Variants in ALG11 observed in about 807,000 individuals in gnomAD.
ALG11 encodes GDP-Man:Man(3)GlcNAc(2)-PP-Dol alpha-1,2-mannosyltransferase.
A neutral mutation model predicts 38.8 loss-of-function variants in ALG11; 26 were observed. That is an observed-to-expected ratio of 0.67 (90% CI 0.49 to 0.93). ALG11 has a LOEUF of 0.93. ALG11 is among the 40% of genes least tolerant of loss of function. The pLI, the probability that ALG11 is intolerant of heterozygous loss-of-function variation, is 0.00. For synonymous variants in ALG11, 199 were observed against 211.6 expected (o/e 0.94, Z 0.52); for missense variants, 535 against 578.8 (o/e 0.92, Z 0.78).
intron 3 of ALG11, among the ~76,000 whole-genome samples, chr13:52,026,767 G>A (rs1366890771): frequency 6.6e-6 from 1 of 152,158 alleles, no homozygotes; most frequent in Non-Finnish European, 1.5e-5. Flanking sequence ...GGACATGTGA[G>A]GGCATGCGTC....
chr13:52,029,784 C>T lies in ALG11; in HGVS notation c.*1194C>T. ...CGCCAAGCTATGCAGGAACAGTTGG[C>T]CAAGAACAAAGAACTGACACAGAAA... is the stretch of plus-strand genomic sequence containing the variant. On this transcript the variant is annotated 3_prime_UTR_variant, in exon 4 of 4. Transcript: ENST00000521508. 6.2e-7 allele frequency: 1 copy of T among 1,614,120 alleles called. No homozygotes were observed. Among genetic ancestry groups the T allele is most frequent in the African/African-American group, 1.3e-5 (1 of 75,018 alleles).
At chr13:52,027,337 G>C (rs1954250896) in intron 3 of ALG11, among the ~76,000 whole-genome samples, 1 of 152,150 alleles carries the variant, frequency 6.6e-6, no homozygotes, top group South Asian at 2.1e-4. Flanking sequence ...CTAGCTGATA[G>C]GAAGGAGCCA....
intron 2 of ALG11, chr13:52,022,280 A>C (rs1475409329): frequency 6.6e-6 from 1 of 152,288 alleles, no homozygotes; most frequent in East Asian, 1.9e-4. Flanking sequence ...AGGCACGAAA[A>C]TCACTTGAAC....
chr13:52,026,313 A>G (rs968912675), intron 3 of ALG11, among the ~76,000 whole-genome samples: 1 of 152,206 alleles, frequency 6.6e-6, no homozygotes, highest in African/African-American at 2.4e-5. Flanking sequence ...ATCAATAGGA[A>G]CATTCAGCAG....
At position 52,031,971 on chromosome 13, in the gene ALG11, C is replaced by G. The variant is rs974681848; in HGVS notation, c.*3381C>G. The G allele has an allele frequency of 1.2e-5, 2 of 165,126 alleles. No homozygotes were observed. Among genetic ancestry groups the G allele is most frequent in the African/African-American group, 4.8e-5 (2 of 41,410 alleles). The allele number at this position is 165,126 out of a possible 1,614,324, so 10.2% of individuals were successfully genotyped here. A position where few individuals can be genotyped will look rare whatever the true frequency, so the allele number is the denominator to read the frequency against. ...GGTGCGGTGTCTCACACCTGTAATC[C>G]CAGCACTTTGGGAGGCCGAGATGGG... On this transcript the variant is annotated 3_prime_UTR_variant, in exon 4 of 4. Coordinates refer to ENST00000521508, the MANE Select transcript of ALG11 (RefSeq NM_001004127.3).
chr13:52,019,347 G>A (rs1302552048), intron 2 of ALG11, among the ~76,000 whole-genome samples: 1 of 147,174 alleles, frequency 6.8e-6, no homozygotes, highest in Non-Finnish European at 1.5e-5. Context: ...TCGGCCTCCC[G>A]AGTAGCTGGG....
intron 1 of ALG11, 43 bp downstream of exon 1, chr13:52,012,505 G>C: frequency 6.2e-7 from 1 of 1,613,800 alleles, no homozygotes; most frequent in African/African-American, 1.3e-5. Flanking sequence ...TTTCTCTTCT[G>C]TAGGGGTACT....
At chr13:52,019,938 A>G (rs1954170758) in intron 2 of ALG11, among the ~76,000 whole-genome samples, 1 of 152,190 alleles carries the variant, frequency 6.6e-6, no homozygotes, top group African/African-American at 2.4e-5. Flanking sequence ...AGGGAAAACA[A>G]AAAAGAAAGA....
chr13:52,029,603 T>G lies in ALG11; in HGVS notation c.*1013T>G, dbSNP rs776197728. ...AAAGGCCAAGAAAGCCTTAAAAGAGTTTGAGCAGCTACAGAAGGTTAATCC... is the reference window on the plus strand; with the variant it reads ...AAAGGCCAAGAAAGCCTTAAAAGAGGTTGAGCAGCTACAGAAGGTTAATCC... On this transcript the variant is annotated 3_prime_UTR_variant, in exon 4 of 4. Coordinates refer to ENST00000521508, the MANE Select transcript of ALG11 (RefSeq NM_001004127.3). 4 of 1,613,644 alleles carry G rather than the reference T, an allele frequency of 2.5e-6. No individual in the cohort carries two copies. The African/African-American group carries it at 5.3e-5, about 22-fold the overall frequency.
chr13:52,028,197 A>G, intron 3 of ALG11, 122 bp from the exon 4 acceptor site: 1 of 1,119,250 alleles, frequency 8.9e-7, no homozygotes, highest in Non-Finnish European at 1.3e-6. Context: ...AAATGTCTAG[A>G]CATACATTTA....
intron 2 of ALG11, chr13:52,022,793 G>A (rs1364319198): frequency 6.6e-6 from 1 of 151,934 alleles, no homozygotes; most frequent in Non-Finnish European, 1.5e-5. Flanking sequence ...CCGCCTACTG[G>A]GTTCAAGCAA....
rs968989067 is a variant in ALG11, at chr13:52,033,504, A to C, written c.*4914A>C. The C allele has an allele frequency of 6.0e-6, 1 of 167,076 alleles. No individual in the cohort carries two copies. Among genetic ancestry groups the C allele is most frequent in the African/African-American group, 2.4e-5 (1 of 41,432 alleles). The allele number at this position is 167,076 out of a possible 1,614,324, so 10.3% of individuals were successfully genotyped here. A position where few individuals can be genotyped will look rare whatever the true frequency, so the allele number is the denominator to read the frequency against. On this transcript the variant is annotated 3_prime_UTR_variant, in exon 4 of 4. Coordinates refer to ENST00000521508, the MANE Select transcript of ALG11 (RefSeq NM_001004127.3). ...CAGTGTGGTGCCTTTTATATGCCTC[A>C]CATAGTCTCCTTGTTCTCCTACTAA...
chr13:52,019,214 A>AAC, intron 2 of ALG11, 71 bp downstream of exon 2: 17 of 923,218 alleles, frequency 1.8e-5, no homozygotes, highest in Non-Finnish European at 2.6e-5. Flanking sequence ...CCAGAAATTC[A>AAC]TCTTTTTTTT....
At chr13:52,017,458 C>T (rs1332033200) in intron 1 of ALG11, 1 of 152,422 alleles carries the variant, frequency 6.6e-6, no homozygotes, top group African/African-American at 2.4e-5. Flanking sequence ...TTGTGTCTCC[C>T]AGAATTCCCA....
Position 52,029,587 on chromosome 13 carries a change from G to A in ALG11, c.*997G>A, listed in dbSNP as rs773239936. 1 of 1,614,096 alleles carries A rather than the reference G, an allele frequency of 6.2e-7. No homozygotes were observed. Among genetic ancestry groups the A allele is most frequent in the African/African-American group, 1.3e-5 (1 of 74,922 alleles). The stretch of plus-strand genomic sequence containing the variant: ...AAGTCGTGAAGAAAGGAAAGGCCAA[G>A]AAAGCCTTAAAAGAGTTTGAGCAGC... On this transcript the variant is annotated 3_prime_UTR_variant, in exon 4 of 4. Coordinates refer to ENST00000521508, the MANE Select transcript of ALG11 (RefSeq NM_001004127.3).
rs531795836 is a variant in ALG11 at position 52,018,866 on chromosome 13, T to G, written c.45-47T>G. The G allele has an allele frequency of 6.7e-6, 10 of 1,497,230 alleles. No individual in the cohort carries two copies. The Admixed American group carries it at 8.4e-5, about 13-fold the overall frequency. The allele number at this position is 1,497,230 out of a possible 1,614,324, so 92.7% of individuals were successfully genotyped here. A position where few individuals can be genotyped will look rare whatever the true frequency, so the allele number is the denominator to read the frequency against. On this transcript the variant is annotated intron_variant, in intron 1 of 3. Coordinates refer to ENST00000521508, the MANE Select transcript of ALG11 (RefSeq NM_001004127.3). Reference sequence around the variant, plus strand: ...AAGCAGACTTTAATTTGTAATTTTTTTAATGTATATATCACATTGATTCTC... The same window carrying G: ...AAGCAGACTTTAATTTGTAATTTTTGTAATGTATATATCACATTGATTCTC...
chr13:52,025,242 C>G (rs1185340779), intron 3 of ALG11, among the ~76,000 whole-genome samples: 2 of 152,184 alleles, frequency 1.3e-5, no homozygotes, highest in Non-Finnish European at 1.5e-5. Context: ...TAAAGAAACT[C>G]AGGCACAGGA....
At chr13:52,016,270 G>A (rs1177308744) in intron 1 of ALG11, 1 of 152,180 alleles carries the variant, frequency 6.6e-6, no homozygotes, top group Non-Finnish European at 1.5e-5. Context: ...GCGGAACAGA[G>A]CATAAAAGTT....
rs758475201 is a variant in ALG11, at chr13:52,030,677, C to CTGACA, written c.*2088_*2092dup. The CTGACA allele has an allele frequency of 1.9e-6, 3 of 1,614,060 alleles. No homozygotes were observed. In the African/African-American group the frequency reaches 4.0e-5, roughly 22 times the overall value. On this transcript the variant is annotated 3_prime_UTR_variant, in exon 4 of 4. Coordinates refer to ENST00000521508, the MANE Select transcript of ALG11 (RefSeq NM_001004127.3). ...GGCGAGTAAGCCAAAGGACGTGGAC[C>CTGACA]TGACACTACCTGGCTGGGGCGAGTG... is the stretch of plus-strand genomic sequence containing the variant.
Sources: gnomAD v4.1 joint callset for allele counts (sites outside exome capture counted in the v4.1 genomes callset) on GRCh38, gnomAD v4.1.1 for gene constraint, MANE v1.5 for transcripts, NCBI Gene and HGNC (gene_info 2026-07-23, HGNC 2026-07-21) for gene names.